Variants in CRTAC1 observed in about 807,000 individuals in gnomAD.
CRTAC1 encodes acidic secreted protein in cartilage.
A neutral mutation model predicts 67.8 loss-of-function variants in CRTAC1; 37 were observed. The ratio of observed to expected loss-of-function variants is 0.55; its 90% confidence interval spans 0.42 to 0.72. The LOEUF (loss-of-function observed/expected upper bound fraction) is 0.72. Ranked by LOEUF, CRTAC1 falls within the 30% of genes least tolerant of loss-of-function variation. CRTAC1 has a pLI of 0.00. For missense variants in CRTAC1, 780 were observed against 931.6 expected, an observed-to-expected ratio of 0.84 and a Z score of 2.12; for synonymous variants, 348 against 371.0, an observed-to-expected ratio of 0.94 and a Z score of 0.71.
At position 97,888,543 on chromosome 10, in the gene CRTAC1, C is replaced by G. The variant is rs146818179; in HGVS notation, c.1487-4192G>C. ...TCACACTTACGAGGTGGGTATTTATCCCCATTCTCCAGATACTGACATTGA... is the reference window on the plus strand; with the variant it reads ...TCACACTTACGAGGTGGGTATTTATGCCCATTCTCCAGATACTGACATTGA... On this transcript the variant is annotated intron_variant, in intron 11 of 14. Coordinates refer to ENST00000370597, the MANE Select transcript of CRTAC1 (RefSeq NM_018058.7). 6.8e-3 allele frequency among the ~76,000 whole-genome samples: 1,038 copies of G among 152,198 alleles called. 20 individuals carry two copies. The highest frequency in any genetic ancestry group is 0.022 in the African/African-American group (932 of 41,486).
Position 97,881,382 on chromosome 10 carries a change from C to T in CRTAC1, c.1676-990G>A, listed in dbSNP as rs967750238. Among the ~76,000 whole-genome samples the T allele has an allele frequency of 5.3e-5, 8 of 152,208 alleles. No homozygotes were observed. The East Asian group carries it at 5.8e-4, about 11-fold the overall frequency. On this transcript the variant is annotated intron_variant, in intron 13 of 14. Coordinates refer to ENST00000370597, the MANE Select transcript of CRTAC1 (RefSeq NM_018058.7). ...AGGTCTCAGCTCAGAGTCTTCCCCC[C>T]GAGGCCCTCCCTGACCACTCTCTCT...
At chr10:98,005,939 T>C (rs928019391) in intron 2 of CRTAC1, among the ~76,000 whole-genome samples, 1 of 152,252 alleles carries the variant, frequency 6.6e-6, no homozygotes, top group Non-Finnish European at 1.5e-5. Context: ...TTACAGTATA[T>C]AGCATCCCTT....
At chr10:97,973,460 C>G (rs1042700986) in intron 2 of CRTAC1, among the ~76,000 whole-genome samples, 17 of 151,804 alleles carry the variant, frequency 1.1e-4, no homozygotes, top group Non-Finnish European at 2.2e-4. Context: ...CTGGACTCCT[C>G]TGTGGGGACT....
chr10:98,012,403 A>G (rs1275644454), intron 1 of CRTAC1, among the ~76,000 whole-genome samples: 2 of 152,112 alleles, frequency 1.3e-5, no homozygotes, highest in African/African-American at 2.4e-5. Context: ...AGCACTCATG[A>G]AATGTTTTAA....
At chr10:97,884,469 G>A in intron 11 of CRTAC1, 118 bp from the exon 12 acceptor site, 4 of 968,422 alleles carry the variant, frequency 4.1e-6, no homozygotes, top group Non-Finnish European at 6.1e-6. Context: ...ACTGTTCTAA[G>A]TGCTAGGGAA....
At chr10:97,960,079 T>C (rs1228473910) in intron 2 of CRTAC1, among the ~76,000 whole-genome samples, 2 of 152,208 alleles carry the variant, frequency 1.3e-5, no homozygotes, top group Non-Finnish European at 2.9e-5. Flanking sequence ...GATAAACAGT[T>C]TAGGTACAGT....
At chr10:97,882,636 T>G (rs2297937) in intron 13 of CRTAC1, 150 bp downstream of exon 13, 222,510 of 733,772 alleles carry the variant, frequency 0.3, 34,280 homozygotes, top group African/African-American at 0.34. Context: ...GTGGTTGTCT[T>G]GGCATCTGGA....
chr10:97,981,060 A>C (rs996156650), intron 2 of CRTAC1, among the ~76,000 whole-genome samples: 1 of 152,244 alleles, frequency 6.6e-6, no homozygotes, highest in East Asian at 1.9e-4. Context: ...ACCTGGAGCC[A>C]GTGGAATTTC....
chr10:97,890,372 G>A (rs957275026), intron 11 of CRTAC1, among the ~76,000 whole-genome samples: 4 of 152,134 alleles, frequency 2.6e-5, no homozygotes, highest in African/African-American at 9.7e-5. Flanking sequence ...GCCTCCCAAA[G>A]CATTGGGATT....
intron 2 of CRTAC1, among the ~76,000 whole-genome samples, chr10:97,941,053 C>G (rs538344499): frequency 6.6e-6 from 1 of 152,146 alleles, no homozygotes; most frequent in East Asian, 1.9e-4. Context: ...GCCCCACCCC[C>G]ATCCACCTTC....
intron 2 of CRTAC1, among the ~76,000 whole-genome samples, chr10:98,005,021 C>G (rs1842755932): frequency 2.1e-5 from 3 of 142,038 alleles, no homozygotes; most frequent in South Asian, 2.2e-4. Flanking sequence ...TTACCTTGAC[C>G]TAGGTTGTGT....
At chr10:98,004,390 G>A (rs1842745392) in intron 2 of CRTAC1, among the ~76,000 whole-genome samples, 1 of 152,176 alleles carries the variant, frequency 6.6e-6, no homozygotes, top group Non-Finnish European at 1.5e-5. Flanking sequence ...TTCAGACCCT[G>A]GAGCATACAT....
intron 2 of CRTAC1, among the ~76,000 whole-genome samples, chr10:97,938,696 T>A (rs2051127094): frequency 6.6e-6 from 1 of 152,180 alleles, no homozygotes; most frequent in African/African-American, 2.4e-5. Flanking sequence ...TATGATAGTC[T>A]TACATTTCAA....
intron 2 of CRTAC1, among the ~76,000 whole-genome samples, chr10:97,957,690 T>C (rs184924467): frequency 1.3e-5 from 2 of 152,330 alleles, no homozygotes; most frequent in Admixed American, 6.5e-5. Flanking sequence ...TGAAAGTGGA[T>C]ACATTTTTGA....
At chr10:97,940,712 C>T (rs561965484) in intron 2 of CRTAC1, among the ~76,000 whole-genome samples, 22 of 152,334 alleles carry the variant, frequency 1.4e-4, no homozygotes, top group South Asian at 8.3e-4. Context: ...GCTTGTCCCT[C>T]GGTTCCTCTA....
chr10:97,933,552 C>T (rs6584163), intron 3 of CRTAC1, among the ~76,000 whole-genome samples: 100,020 of 152,196 alleles, frequency 0.66, 33,922 homozygotes, highest in East Asian at 0.83. Flanking sequence ...ACAACATGAA[C>T]GTACAAGGCT....
chr10:97,898,686 C>G (rs183424447), intron 8 of CRTAC1, among the ~76,000 whole-genome samples: 2 of 152,022 alleles, frequency 1.3e-5, no homozygotes, highest in Non-Finnish European at 2.9e-5. Flanking sequence ...GCATTTTCAA[C>G]GGCTCTGTCT....
At position 97,923,355 on chromosome 10, in the gene CRTAC1, C is replaced by T. The variant is rs561932814; in HGVS notation, c.467G>A (p.Arg156Gln). ...TDKLFKFRNNRWEDILSDEVN... is the reference protein window; with the variant it reads ...TDKLFKFRNNQWEDILSDEVN... ...CTCATCGCTCAGGATGTCTTCCCAC[C>T]GGTTATTGCGGAACTTGAACAACTT... Residue 156 changes from arginine to glutamine, a missense_variant, in exon 4 of 15, where the codon CGG (arginine) becomes CAG (glutamine). Transcript: ENST00000370597. The T allele has an allele frequency of 1.1e-5, 18 of 1,614,148 alleles. No homozygotes were observed. Among genetic ancestry groups the T allele is most frequent in the East Asian group, 6.7e-5 (3 of 44,868 alleles).
chr10:98,012,013 C>T (rs1161917425), intron 1 of CRTAC1, among the ~76,000 whole-genome samples: 1 of 152,150 alleles, frequency 6.6e-6, no homozygotes, highest in African/African-American at 2.4e-5. Flanking sequence ...TGTGACTTGG[C>T]AGGTTCCTCA....
Sources: allele counts gnomAD v4.1 joint callset (sites outside exome capture counted in the v4.1 genomes callset), GRCh38; gene constraint gnomAD v4.1.1; transcripts MANE v1.5; gene names NCBI Gene and HGNC (gene_info 2026-07-23, HGNC 2026-07-21).